The following QKI variants were observed in gnomAD, a reference collection of about 807,000 sequenced individuals.
QKI encodes the protein QKI, KH domain containing RNA binding.
In QKI, 10 loss-of-function variants were observed where a neutral mutation model predicts 39.0. The ratio of observed to expected loss-of-function variants is 0.26; its 90% CI spans 0.16 to 0.43. The LOEUF is 0.43. Among genes scored for constraint, QKI ranks in the 20% least tolerant of loss-of-function variants. The pLI is 1.00. For synonymous variants in QKI, 204 were observed against 155.4 expected, an observed-to-expected ratio of 1.31 and a Z score of -2.33; for missense variants, 218 against 428.0, an observed-to-expected ratio of 0.51 and a Z score of 4.33.
Position 163,569,314 on chromosome 6 carries a change from A to T in QKI, c.1010-1380A>T, listed in dbSNP as rs1365691901. ...GAAAACATTTTTGTCATATGAAGGT[A>T]AATCAGTCCATTATTTTGGATCATT... is the stretch of plus-strand genomic sequence containing the variant. On this transcript the variant is annotated intron_variant, in intron 7 of 7. Coordinates refer to ENST00000361752, the MANE Select transcript of QKI (RefSeq NM_006775.3). 3 of 1,072,470 alleles carry T rather than the reference A, an allele frequency of 2.8e-6. No homozygotes were observed. In the African/African-American group the frequency reaches 5.1e-5, roughly 18 times the overall value. The allele number at this position is 1,072,470 out of a possible 1,614,324, so 66.4% of individuals were successfully genotyped here.
chr6:163,534,332 G>C (rs913574139), intron 3 of QKI, among the ~76,000 whole-genome samples: 3 of 152,146 alleles, frequency 2.0e-5, no homozygotes, highest in African/African-American at 4.8e-5. Context: ...TGGGAATGTA[G>C]ATAAAACTAT....
intron 1 of QKI, among the ~76,000 whole-genome samples, chr6:163,454,411 A>G (rs768554844): frequency 2.0e-5 from 3 of 152,130 alleles, no homozygotes; most frequent in Non-Finnish European, 2.9e-5. Context: ...TAATATTTCA[A>G]TCATTAACCC....
chr6:163,551,090 C>A (rs1163937752), intron 4 of QKI, among the ~76,000 whole-genome samples: 1 of 152,094 alleles, frequency 6.6e-6, no homozygotes, highest in Non-Finnish European at 1.5e-5. Flanking sequence ...TAGAAAAATA[C>A]CAGTGCTTGC....
intron 4 of QKI, among the ~76,000 whole-genome samples, chr6:163,558,174 TG>T: frequency 6.6e-6 from 1 of 152,266 alleles, no homozygotes; most frequent in South Asian, 2.1e-4. Flanking sequence ...AAAACTGGTC[TG>T]AAGACTGGCT....
chr6:163,460,994 G>C (rs980527880), intron 2 of QKI, among the ~76,000 whole-genome samples: 2 of 152,306 alleles, frequency 1.3e-5, no homozygotes, highest in Admixed American at 1.3e-4. Context: ...TTTGTATTCA[G>C]TGGAGTTGTG....
intron 5 of QKI, among the ~76,000 whole-genome samples, chr6:163,563,123 T>C (rs60632275): frequency 0.022 from 3,402 of 152,346 alleles, 124 homozygotes; most frequent in African/African-American, 0.078. Flanking sequence ...TTTAGTCTTA[T>C]GAAATCTTAG....
intron 2 of QKI, among the ~76,000 whole-genome samples, chr6:163,461,926 G>C (rs1791384203): frequency 6.6e-6 from 1 of 152,124 alleles, no homozygotes; most frequent in Non-Finnish European, 1.5e-5. Context: ...ATAAGTAGGT[G>C]ACCTAAATTT....
intron 3 of QKI, among the ~76,000 whole-genome samples, chr6:163,522,496 G>T (rs975880331): frequency 6.6e-6 from 1 of 152,102 alleles, no homozygotes; most frequent in Non-Finnish European, 1.5e-5. Context: ...TATGGAGTGT[G>T]GGGAGAGGCC....
chr6:163,506,703 A>G (rs897748691), intron 3 of QKI, among the ~76,000 whole-genome samples: 3 of 152,226 alleles, frequency 2.0e-5, no homozygotes, highest in African/African-American at 4.8e-5. Flanking sequence ...CTTAACCACT[A>G]TAATGTGCAT....
At chr6:163,569,706 G>C (rs1052311725) in intron 7 of QKI, 1 of 993,602 alleles carries the variant, frequency 1.0e-6, no homozygotes, top group African/African-American at 1.8e-5. Flanking sequence ...GTATTTACAG[G>C]TGGCTTCTTT....
intron 2 of QKI, among the ~76,000 whole-genome samples, chr6:163,461,007 G>A (rs1791311466): frequency 1.3e-5 from 2 of 152,322 alleles, no homozygotes; most frequent in African/African-American, 2.4e-5. Context: ...GAGTTGTGAA[G>A]TGATTCAGAT....
intron 3 of QKI, among the ~76,000 whole-genome samples, chr6:163,483,948 C>T (rs1297606439): frequency 1.3e-5 from 2 of 152,182 alleles, no homozygotes; most frequent in Non-Finnish European, 2.9e-5. Context: ...GTCTAAATTA[C>T]TCCTTGATCC....
chr6:163,562,069 C>G lies in QKI; in HGVS notation c.634C>G (p.Pro212Ala), dbSNP rs375465299. 1 of 1,610,222 alleles carries G rather than the reference C, an allele frequency of 6.2e-7. No homozygotes were observed. The highest frequency in any genetic ancestry group is 2.2e-5 in the East Asian group (1 of 44,762). ...CTACAGAGATGCCAACATTAAATCA[C>G]GTAAGAATGAGCTCTGAGGCCCAGG... ...GTYRDANIKS[P>A]ALAFSLAATA... Residue 212 changes from proline to alanine, a missense_variant and splice_region_variant, in exon 5 of 8, where the codon CCA becomes GCA. By Grantham distance (27) the Pro-to-Ala change is conservative. Transcript: ENST00000361752.
intron 2 of QKI, among the ~76,000 whole-genome samples, chr6:163,457,927 G>A (rs529423107): frequency 3.3e-5 from 5 of 152,204 alleles, no homozygotes; most frequent in Non-Finnish European, 5.9e-5. Context: ...GGGTAATCAG[G>A]GAAGAAATCT....
intron 2 of QKI, among the ~76,000 whole-genome samples, chr6:163,475,542 A>G (rs145688355): frequency 1.3e-5 from 2 of 152,230 alleles, no homozygotes; most frequent in East Asian, 1.9e-4. Flanking sequence ...CCTGTAACCA[A>G]TCCCCCCCAC....
chr6:163,505,469 CA>C (rs1480754604), intron 3 of QKI, among the ~76,000 whole-genome samples: 2 of 152,216 alleles, frequency 1.3e-5, no homozygotes, highest in Non-Finnish European at 2.9e-5. Context: ...GCCACGGGGA[CA>C]GTGCTGCCCA....
intron 2 of QKI, among the ~76,000 whole-genome samples, chr6:163,468,984 C>A (rs1050024999): frequency 2.6e-5 from 4 of 151,882 alleles, no homozygotes; most frequent in Non-Finnish European, 5.9e-5. Context: ...GTACTAGAGT[C>A]CTGATGGCTT....
intron 2 of QKI, among the ~76,000 whole-genome samples, chr6:163,465,055 C>T (rs1186549666): frequency 4.6e-5 from 7 of 152,022 alleles, no homozygotes; most frequent in Non-Finnish European, 1.0e-4. Context: ...CTGAGCTACA[C>T]CAAATTAACA....
chr6:163,564,643 A>G, intron 6 of QKI: 1 of 1,614,000 alleles, frequency 6.2e-7, no homozygotes, highest in Admixed American at 1.7e-5. Context: ...CGAAAAAGAC[A>G]TTACTGATGC....
Sources: gnomAD v4.1 joint callset for allele counts (sites outside exome capture counted in the v4.1 genomes callset) on GRCh38, gnomAD v4.1.1 for gene constraint, MANE v1.5 for transcripts, NCBI Gene and HGNC (gene_info 2026-07-23, HGNC 2026-07-21) for gene names.